DOCK8: variants seen among roughly 807,000 people sequenced by gnomAD.
The protein encoded by DOCK8 is dedicator of cytokinesis 8.
In DOCK8, 141 loss-of-function variants were observed where a neutral mutation model predicts 245.6. The observed-to-expected ratio is 0.57, with a 90% confidence interval of 0.50 to 0.66. The LOEUF is 0.66. DOCK8 is among the 30% of genes least tolerant of loss of function. The pLI, the probability that DOCK8 is intolerant of heterozygous loss-of-function variation, is 0.00. For missense variants in DOCK8, 2,965 were observed against 2,603.4 expected (o/e 1.14, Z -3.02); for synonymous variants, 1,168 against 970.2 (o/e 1.20, Z -3.79).
chr9:214,227 A>G, upstream of DOCK8: 1 of 432,040 alleles, frequency 2.3e-6, no homozygotes, highest in Non-Finnish European at 4.1e-6. Context: ...CTGAAACTGA[A>G]ATAAACCTGG....
intron 8 of DOCK8, among the ~76,000 whole-genome samples, chr9:327,789 A>G (rs1165771824): frequency 1.3e-5 from 2 of 152,332 alleles, no homozygotes; most frequent in East Asian, 3.9e-4. Context: ...CGGTGGGTTA[A>G]TAAACATTTA....
At chr9:382,184 T>C (rs57214203) in intron 21 of DOCK8, among the ~76,000 whole-genome samples, 2,355 of 152,292 alleles carry the variant, frequency 0.015, 67 homozygotes, top group African/African-American at 0.052. Context: ...CATTTTTAGC[T>C]TCTCATGAGA....
At chr9:225,084 A>C (rs942728754) in intron 1 of DOCK8, among the ~76,000 whole-genome samples, 1 of 152,212 alleles carries the variant, frequency 6.6e-6, no homozygotes, top group African/African-American at 2.4e-5. Context: ...TCAACAAGAT[A>C]TTTTATTGCC....
intron 2 of DOCK8, among the ~76,000 whole-genome samples, chr9:286,202 G>C (rs941418350): frequency 6.6e-6 from 1 of 152,170 alleles, no homozygotes; most frequent in African/African-American, 2.4e-5. Context: ...TCATCAAGTT[G>C]CAATTAAGGA....
intron 1 of DOCK8, among the ~76,000 whole-genome samples, chr9:256,775 C>T (rs925634173): frequency 4.0e-5 from 6 of 150,376 alleles, no homozygotes; most frequent in Non-Finnish European, 7.3e-5. Context: ...GAAGCTCAGG[C>T]TTCAGTGCAC....
chr9:455,588 C>T (rs1023432039), intron 46 of DOCK8, among the ~76,000 whole-genome samples: 1 of 152,008 alleles, frequency 6.6e-6, no homozygotes, highest in Non-Finnish European at 1.5e-5. Context: ...TCTAACAGGC[C>T]CCCAGGTGAT....
Position 332,399 on chromosome 9 carries a change from T to C in DOCK8, c.1046T>C (p.Ile349Thr). 1.2e-6 allele frequency: 2 copies of C among 1,608,198 alleles called. No homozygotes were observed. Among genetic ancestry groups the C allele is most frequent in the Non-Finnish European group, 1.7e-6 (2 of 1,174,640 alleles). Reference protein sequence around the residue: ...PSSDIYLVVKIEKVLQQGEIG... With the variant: ...PSSDIYLVVKTEKVLQQGEIG... ...TTTTAATATTCTTTTTATTGGTAGATTGAAAAAGTCCTGCAGCAGGGAGAG... is the reference window on the plus strand; with the variant it reads ...TTTTAATATTCTTTTTATTGGTAGACTGAAAAAGTCCTGCAGCAGGGAGAG... The change falls in exon 10 of 48, where the codon ATT (isoleucine) becomes ACT (threonine). Residue 349 changes from isoleucine to threonine, a missense_variant and splice_region_variant. By Grantham distance (89) the Ile-to-Thr change is moderately conservative. Around this residue, in one of 3 missense-constraint regions of DOCK8, gnomAD observed 2,825 missense variants for 2,453.5 expected, o/e 1.15. Transcript: ENST00000432829.
In DOCK8 at chr9:420,384, A is replaced by T. The variant is rs375699501; in HGVS notation, c.3841-17A>T. The T allele has an allele frequency of 9.9e-5, 159 of 1,614,010 alleles. No individual in the cohort carries two copies. The African/African-American group carries it at 1.8e-3, about 18-fold the overall frequency. ...ACTTCTTCCCTGGCCTCCATCCCCCAATCTGCCTCCCTTCAGCCCTATAAG... is the reference window on the plus strand; with the variant it reads ...ACTTCTTCCCTGGCCTCCATCCCCCTATCTGCCTCCCTTCAGCCCTATAAG... On this transcript the variant is annotated splice_polypyrimidine_tract_variant and intron_variant, in intron 30 of 47. Transcript: ENST00000432829.
At chr9:427,240 A>G (rs1271110927) in intron 34 of DOCK8, among the ~76,000 whole-genome samples, 1 of 152,170 alleles carries the variant, frequency 6.6e-6, no homozygotes, top group Non-Finnish European at 1.5e-5. Flanking sequence ...TCTTGGTTAA[A>G]TCTGTGTGAG....
chr9:440,125 T>G (rs2057045991), intron 40 of DOCK8, among the ~76,000 whole-genome samples: 1 of 152,006 alleles, frequency 6.6e-6, no homozygotes, highest in Non-Finnish European at 1.5e-5. Context: ...TTCAAGCAAC[T>G]CTCCTGCCTC....
chr9:365,682 T>G lies in DOCK8; in HGVS notation c.1680-2336T>G, dbSNP rs1272365008. On this transcript the variant is annotated intron_variant, in intron 14 of 47. Coordinates refer to ENST00000432829, the MANE Select transcript of DOCK8 (RefSeq NM_203447.4). ...TATGCTTTGGAAAAGCTAAGTAACTTGCCAAAGGCCATGCAGCTAAAAGAA... is the reference window on the plus strand; with the variant it reads ...TATGCTTTGGAAAAGCTAAGTAACTGGCCAAAGGCCATGCAGCTAAAAGAA... 9.0e-6 allele frequency: 4 copies of G among 444,360 alleles called. No homozygotes were observed. In the Middle Eastern group the frequency reaches 1.0e-3, roughly 112 times the overall value. The allele number at this position is 444,360 out of a possible 1,614,324, so 27.5% of individuals were successfully genotyped here.
At chr9:239,655 T>C (rs1242504632) in intron 1 of DOCK8, among the ~76,000 whole-genome samples, 2 of 152,142 alleles carry the variant, frequency 1.3e-5, no homozygotes, top group Non-Finnish European at 2.9e-5. Flanking sequence ...TATAGAAAAG[T>C]CAGAAGTGCA....
At chr9:420,927 C>T in intron 31 of DOCK8, 22 bp from the exon 32 acceptor site, 1 of 1,614,138 alleles carries the variant, frequency 6.2e-7, no homozygotes, top group Non-Finnish European at 8.5e-7. Flanking sequence ...AGGACATGTC[C>T]TCCTACCTCT....
chr9:360,161 C>A (rs925046621), intron 14 of DOCK8, among the ~76,000 whole-genome samples: 1 of 151,748 alleles, frequency 6.6e-6, no homozygotes, highest in Admixed American at 6.6e-5. Context: ...ACTAAAAATA[C>A]AAAAATTAGC....
At chr9:302,507 A>T (rs1233274541) in intron 4 of DOCK8, among the ~76,000 whole-genome samples, 1 of 152,246 alleles carries the variant, frequency 6.6e-6, no homozygotes, top group Non-Finnish European at 1.5e-5. Context: ...AGTGGGACTT[A>T]ATTAAACTAA....
Position 325,710 on chromosome 9 carries a change from C to A in DOCK8, c.867C>A (p.Ala289=). ...TTGAGCCCCTGTTTGCCAGCATTGC[C>A]CTCTACGATGTTAAAGAAAGGAAAA... ...IEIEPLFASI[A]LYDVKERKKI... The change falls in exon 8 of 48, where the codon GCC becomes GCA. Residue 289 remains alanine (A), a synonymous_variant. Coordinates refer to ENST00000432829, the MANE Select transcript of DOCK8 (RefSeq NM_203447.4). 1 of 1,613,952 alleles carries A rather than the reference C, an allele frequency of 6.2e-7. No homozygotes were observed. The highest frequency in any genetic ancestry group is 2.2e-5 in the East Asian group (1 of 44,870).
chr9:389,321 T>G (rs918177485), intron 23 of DOCK8, among the ~76,000 whole-genome samples: 2 of 152,168 alleles, frequency 1.3e-5, no homozygotes, highest in Non-Finnish European at 2.9e-5. Context: ...TGTGCACTAT[T>G]TGCTACTGAG....
At position 382,649 on chromosome 9, in the gene DOCK8, A is replaced by G. The variant is rs1480521645; in HGVS notation, c.2742A>G (p.Ala914=). Residue 914 remains alanine, a synonymous_variant, in exon 22 of 48, where the codon GCA becomes GCG. Transcript: ENST00000432829. Reference sequence around the variant, plus strand: ...CAGACCTCGCGGGGACACACTCCGCAGCAGACGAGGAAGTGAAGAACATCA... The same window carrying G: ...CAGACCTCGCGGGGACACACTCCGCGGCAGACGAGGAAGTGAAGAACATCA... ...SNPDLAGTHS[A]ADEEVKNIMS... is the part of the protein sequence containing the mutation. 1 of 1,614,212 alleles carries G rather than the reference A, an allele frequency of 6.2e-7. No homozygotes were observed. Among genetic ancestry groups the G allele is most frequent in the Admixed American group, 1.7e-5 (1 of 60,020 alleles).
intron 28 of DOCK8, among the ~76,000 whole-genome samples, chr9:411,623 A>C (rs1564030674): frequency 6.6e-6 from 1 of 152,128 alleles, no homozygotes; most frequent in African/African-American, 2.4e-5. Context: ...ACCCTATACT[A>C]AACCAGACAA....
Sources: gnomAD v4.1 joint callset for allele counts (sites outside exome capture counted in the v4.1 genomes callset) on GRCh38, gnomAD v4.1.1 for gene constraint, gnomAD v4.1.1 regional missense constraint, MANE v1.5 for transcripts, NCBI Gene and HGNC (gene_info 2026-07-23, HGNC 2026-07-21) for gene names.